TRAP1: variants seen among roughly 807,000 people sequenced by gnomAD.
TRAP1 encodes the protein heat shock protein 75 kDa, mitochondrial.
Under a neutral mutation model 89.1 loss-of-function variants are expected in TRAP1, and 102 were observed. The observed-to-expected ratio is 1.15, with a 90% CI of 0.98 to 1.35. The LOEUF is 1.35. Among genes scored for constraint, TRAP1 ranks in the 40% most tolerant of loss-of-function variants. The pLI is 0.00. For missense variants in TRAP1, 1,256 were observed against 945.3 expected (o/e 1.33, Z -4.31); for synonymous variants, 508 against 388.0 (o/e 1.31, Z -3.64).
At chr16:3,663,606 C>G (rs1198976093) in intron 13 of TRAP1, 44 bp from the exon 14 acceptor site, 65 of 1,609,478 alleles carry the variant, frequency 4.0e-5, no homozygotes, top group Non-Finnish European at 5.5e-5. Flanking sequence ...CGGGGGCCTC[C>G]AGCCACCACA....
At chr16:3,679,838 C>G (rs750538823) in intron 4 of TRAP1, 48 bp from the exon 5 acceptor site, 4 of 1,585,760 alleles carry the variant, frequency 2.5e-6, no homozygotes, top group Non-Finnish European at 3.5e-6. Context: ...ACCTGGGGAG[C>G]CGGGTGAGTG....
At chr16:3,675,240 C>T (rs1596713900) in intron 8 of TRAP1, 84 bp downstream of exon 8, 1 of 1,391,744 alleles carries the variant, frequency 7.2e-7, no homozygotes, top group Non-Finnish European at 1.0e-6. Context: ...GCCGCATCCC[C>T]TGGGCTCATC....
At chr16:3,677,053 C>T (rs1336459878) in intron 6 of TRAP1, 60 of 163,310 alleles carry the variant, frequency 3.7e-4, no homozygotes, top group African/African-American at 1.3e-3. Context: ...AAACTCCGTC[C>T]CAAAGGAAAA....
Position 3,689,051 on chromosome 16 carries a change from G to GC in TRAP1, c.330+3dup. The GC allele has an allele frequency of 6.2e-7, 1 of 1,609,238 alleles. No homozygotes were observed. The highest frequency in any genetic ancestry group is 8.5e-7 in the Non-Finnish European group (1 of 1,177,506). ...GCATCGGGCATGGTTAGCAGGGAAC[G>GC]CACCTCTTTTTCTGAGTACAGGGAC... On this transcript the variant is annotated splice_donor_region_variant and intron_variant, in intron 3 of 17. Coordinates refer to ENST00000246957, the MANE Select transcript of TRAP1 (RefSeq NM_016292.3).
At chr16:3,690,581 C>T (rs911807214) in intron 2 of TRAP1, among the ~76,000 whole-genome samples, 8 of 152,188 alleles carry the variant, frequency 5.3e-5, no homozygotes, top group African/African-American at 1.7e-4. Context: ...TGAATCACCA[C>T]TCAGGGGAGG....
intron 6 of TRAP1, 184 bp from the exon 7 acceptor site, chr16:3,676,329 G>C (rs940742718): frequency 3.4e-6 from 1 of 293,826 alleles, no homozygotes; most frequent in Non-Finnish European, 6.1e-6. Flanking sequence ...GGAACGATGA[G>C]CCTGTCGCAG....
At position 3,674,805 on chromosome 16, in the gene TRAP1, C is replaced by T. The variant is rs755638293; in HGVS notation, c.889-311G>A. The T allele has an allele frequency of 9.3e-4, 403 of 431,308 alleles. 6 individuals carry two copies. The highest frequency in any genetic ancestry group is 2.3e-3 in the Admixed American group (61 of 26,382). 26.7% of individuals were successfully genotyped at this position (431,308 alleles called of 1,614,324 possible). A position where few individuals can be genotyped will look rare whatever the true frequency, so the allele number is the denominator to read the frequency against. On this transcript the variant is annotated intron_variant, in intron 8 of 17. Transcript: ENST00000246957. ...GCGAGCTGACGAATACAGTGTGGGC[C>T]GTGAGAGCGATGACGACCCACGCTG...
chr16:3,716,744 G>A (rs1209300023), intron 1 of TRAP1, among the ~76,000 whole-genome samples: 1 of 152,244 alleles, frequency 6.6e-6, no homozygotes, highest in Non-Finnish European at 1.5e-5. Context: ...GACTGGGAAA[G>A]CAGAGGTTAG....
intron 4 of TRAP1, among the ~76,000 whole-genome samples, chr16:3,683,161 C>G (rs992303881): frequency 6.6e-6 from 1 of 151,006 alleles, no homozygotes; most frequent in African/African-American, 2.4e-5. Context: ...AAGAGCAAAA[C>G]CCCATTTCAA....
At chr16:3,676,413 A>G in intron 6 of TRAP1, 1 of 257,618 alleles carries the variant, frequency 3.9e-6, no homozygotes, top group South Asian at 8.5e-5. Context: ...TGGGCTTCGA[A>G]GAAGCTTCTG....
chr16:3,698,582 G>A (rs1417863579), intron 1 of TRAP1, among the ~76,000 whole-genome samples: 2 of 151,940 alleles, frequency 1.3e-5, no homozygotes, highest in Admixed American at 6.5e-5. Flanking sequence ...GATTACAGGC[G>A]TGAGCCACCG....
In TRAP1 at chr16:3,676,391, C is replaced by T. The variant is rs531525279; in HGVS notation, c.705-246G>A. On this transcript the variant is annotated intron_variant, in intron 6 of 17. Transcript: ENST00000246957. ...GGCGGGGGGCGGGGGGGCGGGGGTC[C>T]TCCACCGACCCTGGGCTTCGAAGAA... 12 of 266,188 alleles carry T rather than the reference C, an allele frequency of 4.5e-5. 1 individual carries two copies. Among genetic ancestry groups the T allele is most frequent in the Non-Finnish European group, 8.4e-5 (12 of 142,368 alleles). The allele number at this position is 266,188 out of a possible 1,614,324, so 16.5% of individuals were successfully genotyped here. A position where few individuals can be genotyped will look rare whatever the true frequency, so the allele number is the denominator to read the frequency against.
chr16:3,664,717 A>G (rs1375855731), intron 12 of TRAP1: 2 of 445,458 alleles, frequency 4.5e-6, no homozygotes, highest in Non-Finnish European at 8.0e-6. Context: ...AGCTACGCGC[A>G]CCACGCCCTG....
intron 1 of TRAP1, among the ~76,000 whole-genome samples, chr16:3,704,645 G>C (rs1318375330): frequency 6.6e-6 from 1 of 151,788 alleles, no homozygotes; most frequent in African/African-American, 2.4e-5. Flanking sequence ...TCGAGCTCAG[G>C]AGCTCGAGGC....
intron 16 of TRAP1, chr16:3,659,332 C>G (rs902735340): frequency 1.3e-5 from 2 of 153,554 alleles, no homozygotes; most frequent in African/African-American, 2.4e-5. Context: ...AGACAGATCA[C>G]TCCATCCAGC....
At chr16:3,674,214 C>T in intron 9 of TRAP1, 125 bp downstream of exon 9, 1 of 1,332,928 alleles carries the variant, frequency 7.5e-7, no homozygotes, top group South Asian at 1.4e-5. Flanking sequence ...AGCCACCACA[C>T]CCAGCACTAC....
intron 1 of TRAP1, among the ~76,000 whole-genome samples, chr16:3,711,567 C>G (rs1351848114): frequency 6.6e-6 from 1 of 151,686 alleles, no homozygotes; most frequent in South Asian, 2.1e-4. Flanking sequence ...CCACTGCACT[C>G]CAGCCTGGGA....
At chr16:3,686,405 C>G (rs1269781992) in intron 3 of TRAP1, among the ~76,000 whole-genome samples, 1 of 152,158 alleles carries the variant, frequency 6.6e-6, no homozygotes, top group Non-Finnish European at 1.5e-5. Context: ...GCAGCTTTAA[C>G]CTCCTGGACC....
intron 4 of TRAP1, among the ~76,000 whole-genome samples, chr16:3,684,810 G>C (rs138649933): frequency 1.3e-5 from 2 of 152,128 alleles, no homozygotes; most frequent in Non-Finnish European, 2.9e-5. Flanking sequence ...GAAAAAAGAT[G>C]AAACAAATGG....
Sources: allele counts gnomAD v4.1 joint callset (sites outside exome capture counted in the v4.1 genomes callset), GRCh38; gene constraint gnomAD v4.1.1; transcripts MANE v1.5; gene names NCBI Gene and HGNC (gene_info 2026-07-23, HGNC 2026-07-21).